ALPK3: variants seen among roughly 807,000 people sequenced by gnomAD.
The protein encoded by ALPK3 is alpha kinase 3, also known as alpha-protein kinase 3.
A neutral mutation model predicts 140.0 loss-of-function variants in ALPK3; 102 were observed. The ratio of observed to expected loss-of-function variants is 0.73; its 90% CI spans 0.62 to 0.86. The LOEUF (loss-of-function observed/expected upper bound fraction) is 0.86, where lower values mean the gene tolerates loss of function less well. ALPK3 is among the 40% of genes least tolerant of loss of function. The pLI is 0.00. For synonymous variants in ALPK3, 938 were observed against 898.5 expected, an observed-to-expected ratio of 1.04 and a Z score of -0.79; for missense variants, 2,254 against 2,208.2, an observed-to-expected ratio of 1.02 and a Z score of -0.42.
chr15:84,856,699 A>T lies in ALPK3; in HGVS notation c.1961A>T (p.Asp654Val), dbSNP rs1027334963. 1.8e-5 allele frequency: 29 copies of T among 1,614,012 alleles called. No homozygotes were observed. The highest frequency in any genetic ancestry group is 2.4e-5 in the Non-Finnish European group (28 of 1,180,042). The change falls in exon 6 of 14, where the codon GAC becomes GTC. Residue 654 changes from aspartate (D) to valine (V), a missense_variant. Transcript: ENST00000258888. The part of the protein sequence containing the change: ...GTQESKRPQS[D>V]RSAQKGMMTQ... Reference sequence around the variant, plus strand: ...CAAGAAAGCAAGAGGCCACAGTCAGACAGGAGTGCACAGAAGGGCATGATG... The same window carrying T: ...CAAGAAAGCAAGAGGCCACAGTCAGTCAGGAGTGCACAGAAGGGCATGATG...
Position 84,859,324 on chromosome 15 carries a change from A to G in ALPK3, c.3899A>G (p.Asn1300Ser), listed in dbSNP as rs115510864. Residue 1300 changes from asparagine (N) to serine (S), a missense_variant, in exon 7 of 14, where the codon AAC (asparagine) becomes AGC (serine). This residue lies in a region of ALPK3 where 2,088 missense variants were observed against 2,022.9 expected (regional missense o/e 1.03). Coordinates refer to ENST00000258888, the MANE Select transcript of ALPK3 (RefSeq NM_020778.5). ...GSLKLWCQFF[N>S]ILSDSVLTWA... ...CTGAAGCTGTGGTGCCAGTTTTTCA[A>G]CATTCTTAGTGACTCAGTCTTGACA... The G allele has an allele frequency of 9.3e-6, 15 of 1,614,140 alleles. No homozygotes were observed. In the African/African-American group the frequency reaches 1.3e-4, roughly 14 times the overall value.
At position 84,840,106 on chromosome 15, in the gene ALPK3, C is replaced by G. The variant is rs1963642557; in HGVS notation, c.827C>G (p.Thr276Ser). The change falls in exon 5 of 14, where the codon ACC becomes AGC. Residue 276 changes from threonine to serine, a missense_variant. Thr to Ser is a moderately conservative substitution (Grantham distance 58). Around this residue, in one of 3 missense-constraint regions of ALPK3, gnomAD observed 2,088 missense variants for 2,022.9 expected, o/e 1.03. Transcript: ENST00000258888. The stretch of plus-strand genomic sequence containing the variant: ...AGTTTTGCTTCTGGAGAAGTGACCA[C>G]CAACGGGGAGGCTGCCCCCGAGAAT... The part of the protein sequence containing the change: ...INSFASGEVT[T>S]NGEAAPENGE... 2.4e-5 allele frequency: 39 copies of G among 1,613,928 alleles called. No homozygotes were observed. Among genetic ancestry groups the G allele is most frequent in the Non-Finnish European group, 3.0e-5 (35 of 1,180,016 alleles).
chr15:84,828,071 C>G (rs1963508796), intron 3 of ALPK3, among the ~76,000 whole-genome samples: 1 of 152,144 alleles, frequency 6.6e-6, no homozygotes. Context: ...TGGCTCATCC[C>G]CTTTCCAATG....
At chr15:84,858,660 C>G (rs1963900974) in intron 6 of ALPK3, 105 bp downstream of exon 6, 4 of 1,419,346 alleles carry the variant, frequency 2.8e-6, no homozygotes, top group Non-Finnish European at 2.8e-6. Context: ...GCATATCCCT[C>G]CTCGGGATTC....
In ALPK3 at chr15:84,870,335, G is replaced by C. The variant is rs1192261179; in HGVS notation, c.*1879G>C. On this transcript the variant is annotated 3_prime_UTR_variant, in exon 14 of 14. Coordinates refer to ENST00000258888, the MANE Select transcript of ALPK3 (RefSeq NM_020778.5). ...CCCAGATTACTTTGGTGAACTGAGAGCTGGAGTACTGTTCATTCATTTATT... is the reference window on the plus strand; with the variant it reads ...CCCAGATTACTTTGGTGAACTGAGACCTGGAGTACTGTTCATTCATTTATT... 1 of 152,286 alleles carries C rather than the reference G, an allele frequency of 6.6e-6. No individual in the cohort carries two copies. Among genetic ancestry groups the C allele is most frequent in the Non-Finnish European group, 1.5e-5 (1 of 68,098 alleles). 9.4% of individuals were successfully genotyped at this position (152,286 alleles called of 1,614,324 possible).
chr15:84,823,131 C>T (rs986510995), intron 1 of ALPK3, among the ~76,000 whole-genome samples, 199 bp from the exon 2 acceptor site: 1 of 152,208 alleles, frequency 6.6e-6, no homozygotes, highest in African/African-American at 2.4e-5. Flanking sequence ...ATTTAATGAG[C>T]TCTTGGTTTC....
At chr15:84,823,232 C>A in intron 1 of ALPK3, 98 bp from the exon 2 acceptor site, 1 of 1,392,164 alleles carries the variant, frequency 7.2e-7, no homozygotes, top group South Asian at 1.2e-5. Context: ...GGCTTCTGGG[C>A]CCCAGATGGT....
chr15:84,842,601 G>A (rs903132984), intron 5 of ALPK3, among the ~76,000 whole-genome samples: 3 of 152,214 alleles, frequency 2.0e-5, no homozygotes, highest in Non-Finnish European at 4.4e-5. Flanking sequence ...GTGGAGAACA[G>A]GAGGGGCTTT....
intron 1 of ALPK3, among the ~76,000 whole-genome samples, chr15:84,818,959 C>T (rs1963393860): frequency 6.6e-6 from 1 of 152,202 alleles, no homozygotes; most frequent in Admixed American, 6.5e-5. Flanking sequence ...CTGGGCTTTG[C>T]CTCCTGTGTT....
Position 84,840,883 on chromosome 15 carries a change from C to T in ALPK3, c.1604C>T (p.Thr535Ile), listed in dbSNP as rs773954985. The T allele has an allele frequency of 6.2e-7, 1 of 1,613,216 alleles. No homozygotes were observed. The highest frequency in any genetic ancestry group is 1.3e-5 in the African/African-American group (1 of 75,022). Residue 535 changes from threonine (T) to isoleucine (I), a missense_variant, in exon 5 of 14, where the codon ACC becomes ATC. Transcript: ENST00000258888. ...CCCCCTGCCCGGCGGAGACATGGCA[C>T]CCGGGACAGCACGTTGCAGGGGCAA... ...PTPPARRRHG[T>I]RDSTLQGQAG... is the part of the protein sequence containing the mutation.
chr15:84,838,666 C>G (rs1486941721), intron 3 of ALPK3, among the ~76,000 whole-genome samples: 1 of 150,184 alleles, frequency 6.7e-6, no homozygotes, highest in African/African-American at 2.4e-5. Flanking sequence ...ATCGCCTAGG[C>G]TAGAGTGCAG....
chr15:84,830,385 G>A (rs572100074), intron 3 of ALPK3, among the ~76,000 whole-genome samples: 17 of 152,004 alleles, frequency 1.1e-4, no homozygotes, highest in East Asian at 3.9e-4. Flanking sequence ...ATTTTTTTGC[G>A]TTATTGAATA....
chr15:84,853,067 G>C (rs1296332850), intron 5 of ALPK3, among the ~76,000 whole-genome samples: 1 of 152,216 alleles, frequency 6.6e-6, no homozygotes, highest in African/African-American at 2.4e-5. Flanking sequence ...AGTGCGTTAG[G>C]AGTGAAGGTA....
chr15:84,823,625 C>T, intron 2 of ALPK3, among the ~76,000 whole-genome samples: 1 of 152,130 alleles, frequency 6.6e-6, no homozygotes, highest in African/African-American at 2.4e-5. Context: ...CTCTGAGATG[C>T]CTGCAATGAC....
In ALPK3 at chr15:84,857,644, A is replaced by C. The variant is rs985027215; in HGVS notation, c.2906A>C (p.Lys969Thr). The C allele has an allele frequency of 2.5e-6, 4 of 1,593,284 alleles. No individual in the cohort carries two copies. In the African/African-American group the frequency reaches 5.4e-5, roughly 21 times the overall value. ...SLKNYLLLLLKLSSTETSGAG... is the reference protein window; with the variant it reads ...SLKNYLLLLLTLSSTETSGAG... ...AAGAACTACCTGCTTCTGCTGCTGA[A>C]GCTGTCCAGCACAGAGACAAGTGGA... Residue 969 changes from lysine to threonine, a missense_variant, in exon 6 of 14, where the codon AAG (lysine) becomes ACG (threonine). Lys to Thr is a moderately conservative substitution (Grantham distance 78, BLOSUM62 -1). Transcript: ENST00000258888.
intron 5 of ALPK3, among the ~76,000 whole-genome samples, chr15:84,850,787 C>T (rs1335741697): frequency 1.3e-5 from 2 of 152,120 alleles, no homozygotes; most frequent in African/African-American, 4.8e-5. Context: ...AAAAAGCTTA[C>T]ATAGAGCCAA....
intron 12 of ALPK3, 76 bp from the exon 13 acceptor site, chr15:84,867,241 A>T: frequency 6.6e-7 from 1 of 1,504,040 alleles, no homozygotes. Flanking sequence ...GCCACCCAGT[A>T]TATCTTCCTG....
At chr15:84,828,600 C>T (rs78466706) in intron 3 of ALPK3, among the ~76,000 whole-genome samples, 2,583 of 152,318 alleles carry the variant, frequency 0.017, 30 homozygotes, top group Middle Eastern at 0.058. Context: ...CAGCTTCTCA[C>T]TTGGGCAGTT....
intron 12 of ALPK3, 138 bp downstream of exon 12, chr15:84,864,803 G>A (rs1963986048): frequency 3.1e-6 from 3 of 966,804 alleles, no homozygotes; most frequent in Non-Finnish European, 3.0e-6. Flanking sequence ...CAATAATCTT[G>A]TAAAGTAGAT....
Sources: gnomAD v4.1 joint callset for allele counts (sites outside exome capture counted in the v4.1 genomes callset) on GRCh38, gnomAD v4.1.1 for gene constraint, gnomAD v4.1.1 regional missense constraint, MANE v1.5 for transcripts, NCBI Gene and HGNC (gene_info 2026-07-23, HGNC 2026-07-21) for gene names.